SLIT3: variants seen among roughly 807,000 people sequenced by gnomAD.
SLIT3 encodes the protein slit guidance ligand 3, also known as slit homolog 3 protein.
SLIT3 carries 68 observed loss-of-function variants against 184.0 expected under a neutral mutation model. The observed-to-expected ratio is 0.37, with a 90% CI of 0.30 to 0.45. The LOEUF is 0.45. Among genes scored for constraint, SLIT3 ranks in the 20% least tolerant of loss-of-function variants. The probability of loss-of-function intolerance (pLI) is 1.00; values close to 1 mark genes in which losing one functional copy is unlikely to be tolerated. For synonymous variants in SLIT3, 831 were observed against 828.6 expected, an observed-to-expected ratio of 1.00 and a Z score of -0.05; for missense variants, 1,707 against 2,026.0, an observed-to-expected ratio of 0.84 and a Z score of 3.02.
chr5:169,083,328 A>G (rs1375659799), intron 4 of SLIT3, among the ~76,000 whole-genome samples: 1 of 152,194 alleles, frequency 6.6e-6, no homozygotes, highest in African/African-American at 2.4e-5. Flanking sequence ...AGGTTAACTG[A>G]GACCTTAAAG....
At chr5:169,089,588 G>C (rs1759491511) in intron 4 of SLIT3, among the ~76,000 whole-genome samples, 1 of 152,142 alleles carries the variant, frequency 6.6e-6, no homozygotes, top group Non-Finnish European at 1.5e-5. Flanking sequence ...GCCCCTAGTG[G>C]TGAATCCTTC....
At chr5:169,105,132 A>G (rs295995) in intron 4 of SLIT3, among the ~76,000 whole-genome samples, 14,519 of 152,130 alleles carry the variant, frequency 0.095, 836 homozygotes, top group African/African-American at 0.15. Flanking sequence ...CAGATCCACA[A>G]TTTCGATTTC....
At chr5:169,202,795 C>T (rs1274553094) in intron 3 of SLIT3, among the ~76,000 whole-genome samples, 2 of 151,922 alleles carry the variant, frequency 1.3e-5, no homozygotes, top group Non-Finnish European at 2.9e-5. Flanking sequence ...GCCCCCCCAC[C>T]CCACCCCTGC....
intron 4 of SLIT3, among the ~76,000 whole-genome samples, chr5:169,085,668 C>T (rs977858320): frequency 6.6e-6 from 1 of 152,230 alleles, no homozygotes; most frequent in Admixed American, 6.5e-5. Context: ...AAACCCAACA[C>T]AGCCTGCCCC....
chr5:169,197,087 G>T (rs1023595309), intron 3 of SLIT3, among the ~76,000 whole-genome samples: 1 of 152,170 alleles, frequency 6.6e-6, no homozygotes, highest in African/African-American at 2.4e-5. Flanking sequence ...AATAAAACCA[G>T]CTTGGCTCCA....
At chr5:169,209,039 T>C (rs1030460673) in intron 3 of SLIT3, among the ~76,000 whole-genome samples, 1 of 151,946 alleles carries the variant, frequency 6.6e-6, no homozygotes, top group Non-Finnish European at 1.5e-5. Context: ...TGGGAGAAAA[T>C]GTTTACAATC....
chr5:169,167,966 C>T (rs1762695205), intron 4 of SLIT3, among the ~76,000 whole-genome samples: 1 of 152,258 alleles, frequency 6.6e-6, no homozygotes, highest in African/African-American at 2.4e-5. Context: ...GTACACACAT[C>T]TCTCTTGGAA....
At chr5:168,775,808 A>G (rs1372099753) in intron 12 of SLIT3, among the ~76,000 whole-genome samples, 1 of 152,138 alleles carries the variant, frequency 6.6e-6, no homozygotes, top group Non-Finnish European at 1.5e-5. Flanking sequence ...ACTCCCTAAA[A>G]AATCATCATA....
chr5:168,864,146 G>T (rs1313660192), intron 5 of SLIT3, among the ~76,000 whole-genome samples: 1 of 152,098 alleles, frequency 6.6e-6, no homozygotes, highest in African/African-American at 2.4e-5. Flanking sequence ...GGAGGTCGAG[G>T]CTGCAGTGAG....
chr5:169,019,981 CAAAT>C (rs780913548), intron 4 of SLIT3, among the ~76,000 whole-genome samples: 6 of 152,284 alleles, frequency 3.9e-5, no homozygotes, highest in Admixed American at 1.3e-4. Context: ...CAGAGACTGA[CAAAT>C]AAAGGCCATT....
At chr5:168,793,751 C>A (rs1160659087) in intron 10 of SLIT3, among the ~76,000 whole-genome samples, 1 of 151,264 alleles carries the variant, frequency 6.6e-6, no homozygotes, top group Non-Finnish European at 1.5e-5. Flanking sequence ...TCATTTTTCA[C>A]TGAAATTACT....
chr5:168,765,026 C>A (rs1402907783), intron 14 of SLIT3, among the ~76,000 whole-genome samples: 1 of 152,204 alleles, frequency 6.6e-6, no homozygotes, highest in Non-Finnish European at 1.5e-5. Flanking sequence ...GCATTGCACA[C>A]ACATACAGAG....
At chr5:169,169,998 G>A (rs1046268140) in intron 4 of SLIT3, among the ~76,000 whole-genome samples, 1 of 152,188 alleles carries the variant, frequency 6.6e-6, no homozygotes, top group African/African-American at 2.4e-5. Context: ...GCCCTTCCTC[G>A]CAGAGGGAAT....
At chr5:168,919,470 C>G (rs531440734) in intron 4 of SLIT3, among the ~76,000 whole-genome samples, 2 of 152,052 alleles carry the variant, frequency 1.3e-5, no homozygotes, top group Non-Finnish European at 2.9e-5. Flanking sequence ...CTATGATATA[C>G]TGTTAAGCAA....
intron 4 of SLIT3, among the ~76,000 whole-genome samples, chr5:168,931,777 C>T (rs983428715): frequency 9.2e-5 from 14 of 152,280 alleles, no homozygotes; most frequent in African/African-American, 3.4e-4. Context: ...AGGGTGTCTA[C>T]TAGCACACAC....
chr5:168,818,731 T>C (rs902816613), intron 7 of SLIT3, among the ~76,000 whole-genome samples: 7 of 152,336 alleles, frequency 4.6e-5, no homozygotes, highest in African/African-American at 1.7e-4. Context: ...TGAAGGGCTC[T>C]TGACCAAGCT....
At chr5:168,934,568 G>A (rs974093957) in intron 4 of SLIT3, among the ~76,000 whole-genome samples, 6 of 152,222 alleles carry the variant, frequency 3.9e-5, no homozygotes, top group Non-Finnish European at 4.4e-5. Flanking sequence ...GGAAAGGCAC[G>A]CGGCTGTGGG....
chr5:169,092,239 A>G (rs1256385754), intron 4 of SLIT3, among the ~76,000 whole-genome samples: 1 of 152,120 alleles, frequency 6.6e-6, no homozygotes, highest in African/African-American at 2.4e-5. Flanking sequence ...AAAGACTCAG[A>G]GGTAGGCAGG....
chr5:169,041,962 C>G (rs972739115), intron 4 of SLIT3, among the ~76,000 whole-genome samples: 1 of 152,182 alleles, frequency 6.6e-6, no homozygotes, highest in Non-Finnish European at 1.5e-5. Context: ...CTATTGATCT[C>G]TTCCCTCATT....
Sources: gnomAD v4.1 joint callset for allele counts (sites outside exome capture counted in the v4.1 genomes callset) on GRCh38, gnomAD v4.1.1 for gene constraint, MANE v1.5 for transcripts, NCBI Gene and HGNC (gene_info 2026-07-23, HGNC 2026-07-21) for gene names.